CELF4: variants seen among roughly 807,000 people sequenced by gnomAD.
The protein encoded by CELF4 is CUG-BP- and ETR-3-like factor 4.
CELF4 carries 18 observed loss-of-function variants against 59.9 expected under a neutral mutation model. The observed-to-expected ratio is 0.30, with a 90% CI of 0.21 to 0.45. The LOEUF is 0.45. CELF4 is among the 20% of genes least tolerant of loss of function. CELF4 has a pLI of 1.00. For missense variants in CELF4, 456 were observed against 689.0 expected, an observed-to-expected ratio of 0.66 and a Z score of 3.79; for synonymous variants, 261 against 267.1, an observed-to-expected ratio of 0.98 and a Z score of 0.22.
intron 9 of CELF4, among the ~76,000 whole-genome samples, chr18:37,265,104 A>T (rs1291341890): frequency 6.8e-6 from 1 of 146,350 alleles, no homozygotes; most frequent in Non-Finnish European, 1.5e-5. Flanking sequence ...CATACATGCA[A>T]GTGTGTGGGT....
intron 2 of CELF4, among the ~76,000 whole-genome samples, chr18:37,359,418 T>C (rs2098663279): frequency 6.6e-6 from 1 of 152,176 alleles, no homozygotes; most frequent in Non-Finnish European, 1.5e-5. Flanking sequence ...TATAGCTCAC[T>C]GTAGTCTCAA....
At chr18:37,403,694 C>G (rs901691365) in intron 2 of CELF4, among the ~76,000 whole-genome samples, 1 of 152,132 alleles carries the variant, frequency 6.6e-6, no homozygotes, top group African/African-American at 2.4e-5. Context: ...GTGTGTGTTC[C>G]CCTTTGCAGA....
At chr18:37,310,467 G>GC (rs1048680079) in intron 3 of CELF4, among the ~76,000 whole-genome samples, 1 of 152,052 alleles carries the variant, frequency 6.6e-6, no homozygotes, top group Non-Finnish European at 1.5e-5. Flanking sequence ...TGCAAAGTAG[G>GC]CCCCCCATTC....
intron 12 of CELF4, among the ~76,000 whole-genome samples, chr18:37,252,932 G>A (rs544831852): frequency 1.2e-3 from 175 of 152,044 alleles, no homozygotes; most frequent in African/African-American, 4.1e-3. Flanking sequence ...CCTCTGCTCT[G>A]TGAAGAAGCC....
At chr18:37,380,733 C>T (rs1030640067) in intron 2 of CELF4, among the ~76,000 whole-genome samples, 1 of 150,458 alleles carries the variant, frequency 6.6e-6, no homozygotes, top group African/African-American at 2.5e-5. Flanking sequence ...TCCATTTATC[C>T]ATCCAGTCAT....
At chr18:37,247,375 G>C (rs1289143737) in intron 12 of CELF4, 1 of 151,174 alleles carries the variant, frequency 6.6e-6, no homozygotes, top group Non-Finnish European at 1.5e-5. Flanking sequence ...GAGTGTGGGT[G>C]GGGGAAGGAA....
At chr18:37,247,092 G>A (rs1403964559) in intron 12 of CELF4, 1 of 152,132 alleles carries the variant, frequency 6.6e-6, no homozygotes, top group Non-Finnish European at 1.5e-5. Flanking sequence ...GCACCTCCAC[G>A]AAACTTGACG....
At position 37,338,207 on chromosome 18, in the gene CELF4, CACT is replaced by C. The variant is rs1161808369; in HGVS notation, c.370-16329_370-16327del. Among the ~76,000 whole-genome samples, 2 of 24,014 alleles carry C rather than the reference CACT, an allele frequency of 8.3e-5. 1 individual carries two copies. The allele number at this position is 24,014 out of a possible 152,430, so 15.8% of individuals were successfully genotyped here. A position where few individuals can be genotyped will look rare whatever the true frequency, so the allele number is the denominator to read the frequency against. Reference sequence around the variant, plus strand: ...CCATTGTCACCACTATCATTGTCACCACTACTGTCACTGCCACCACCACCACTG... The same window carrying C: ...CCATTGTCACCACTATCATTGTCACCACTGTCACTGCCACCACCACCACTG... On this transcript the variant is annotated intron_variant, in intron 2 of 12. Transcript: ENST00000420428.
At chr18:37,445,614 A>C (rs1009590148) in intron 2 of CELF4, among the ~76,000 whole-genome samples, 5 of 151,962 alleles carry the variant, frequency 3.3e-5, no homozygotes, top group Non-Finnish European at 7.4e-5. Context: ...GCATGAAGAC[A>C]ATGCCCGCAA....
chr18:37,528,856 C>T (rs2099966591), intron 1 of CELF4: 1 of 152,156 alleles, frequency 6.6e-6, no homozygotes, highest in African/African-American at 2.4e-5. Flanking sequence ...TCCACTGTAC[C>T]AGGTGGAGGT....
At chr18:37,541,783 C>T (rs549179706) in intron 1 of CELF4, among the ~76,000 whole-genome samples, 1 of 152,042 alleles carries the variant, frequency 6.6e-6, no homozygotes, top group African/African-American at 2.4e-5. Context: ...AGTGCTTTCT[C>T]CCGCCATGTC....
chr18:37,360,232 C>T (rs1484405963), intron 2 of CELF4, among the ~76,000 whole-genome samples: 3 of 152,124 alleles, frequency 2.0e-5, no homozygotes, highest in Non-Finnish European at 2.9e-5. Flanking sequence ...AATCTCTGGC[C>T]ACCACCACCA....
Position 37,273,050 on chromosome 18 carries a change from A to G in CELF4, c.915T>C (p.Asn305=), listed in dbSNP as rs546538459. The G allele has an allele frequency of 6.3e-4, 1,010 of 1,612,436 alleles. 12 individuals are homozygous for G. The South Asian group carries it at 0.011, about 17-fold the overall frequency. Residue 305 remains asparagine, a synonymous_variant, in exon 7 of 13, where the codon AAT becomes AAC. Transcript: ENST00000420428. ...GGGTCATAGGTGCGGCCGCCAGGCCATTCATGTTGAGGGCCGCCATCTGCT... is the reference window on the plus strand; with the variant it reads ...GGGTCATAGGTGCGGCCGCCAGGCCGTTCATGTTGAGGGCCGCCATCTGCT... The part of the protein sequence containing the change: ...QMQQMAALNM[N]GLAAAPMTPT...
chr18:37,389,873 A>T (rs1280967355), intron 2 of CELF4, among the ~76,000 whole-genome samples: 2 of 152,222 alleles, frequency 1.3e-5, no homozygotes, highest in Non-Finnish European at 2.9e-5. Flanking sequence ...ACAGGCACAG[A>T]GTCATGCACG....
At chr18:37,336,240 C>G (rs1362257255) in intron 2 of CELF4, among the ~76,000 whole-genome samples, 1 of 152,228 alleles carries the variant, frequency 6.6e-6, no homozygotes, top group Non-Finnish European at 1.5e-5. Flanking sequence ...TTTTCTCTAT[C>G]CTGTGTAGGG....
At chr18:37,495,145 G>A (rs1336607520) in intron 1 of CELF4, among the ~76,000 whole-genome samples, 7 of 152,154 alleles carry the variant, frequency 4.6e-5, no homozygotes, top group African/African-American at 1.7e-4. Context: ...GATGAACCTG[G>A]TAGGGGAGTT....
At chr18:37,328,459 G>A (rs745445216) in intron 2 of CELF4, among the ~76,000 whole-genome samples, 8 of 152,300 alleles carry the variant, frequency 5.3e-5, no homozygotes, top group Non-Finnish European at 7.4e-5. Context: ...CTTTTGGGAC[G>A]TGTTGGAGCC....
At chr18:37,268,225 C>G (rs2078660352) in intron 8 of CELF4, among the ~76,000 whole-genome samples, 1 of 152,142 alleles carries the variant, frequency 6.6e-6, no homozygotes, top group Non-Finnish European at 1.5e-5. Context: ...CAGGCTCCTT[C>G]CTGCCTGGGG....
intron 1 of CELF4, among the ~76,000 whole-genome samples, chr18:37,524,480 C>T (rs1230001537): frequency 3.3e-5 from 5 of 152,182 alleles, no homozygotes; most frequent in African/African-American, 1.2e-4. Flanking sequence ...CTCCCCTGTT[C>T]CCACCTCCCC....
Sources: gnomAD v4.1 joint callset for allele counts (sites outside exome capture counted in the v4.1 genomes callset) on GRCh38, gnomAD v4.1.1 for gene constraint, MANE v1.5 for transcripts, NCBI Gene and HGNC (gene_info 2026-07-23, HGNC 2026-07-21) for gene names.